The following KCNMB4 variants were observed in gnomAD, a reference collection of about 807,000 sequenced individuals.
KCNMB4 encodes the protein potassium calcium-activated channel subfamily M regulatory beta subunit 4.
Under a neutral mutation model 20.7 loss-of-function variants are expected in KCNMB4, and 3 were observed. The observed-to-expected ratio is 0.14, with a 90% CI of 0.07 to 0.37. The LOEUF (loss-of-function observed/expected upper bound fraction) is 0.37, where lower values mean the gene tolerates loss of function less well. KCNMB4 is among the 10% of genes least tolerant of loss of function. The probability of loss-of-function intolerance (pLI) is 1.00; values close to 1 mark genes in which losing one functional copy is unlikely to be tolerated. For synonymous variants in KCNMB4, 110 were observed against 113.4 expected (o/e 0.97, Z 0.19); for missense variants, 168 against 265.9 (o/e 0.63, Z 2.56).
chr12:70,366,298 C>T lies in KCNMB4; in HGVS notation c.-437C>T, dbSNP rs1455815503. 6.7e-6 allele frequency: 1 copy of T among 148,248 alleles called. No individual in the cohort carries two copies. The highest frequency in any genetic ancestry group is 6.9e-5 in the Admixed American group (1 of 14,504). The allele number at this position is 148,248 out of a possible 1,614,324, so 9.2% of individuals were successfully genotyped here. On this transcript the variant is annotated 5_prime_UTR_variant, in exon 1 of 3. Transcript: ENST00000258111. ...CGGGCTCGCCCCAGCTCAGACACTC[C>T]TAGCCTTGGGGCAGCTGCCGGGCGA...
chr12:70,417,095 A>G (rs560316121), intron 2 of KCNMB4, among the ~76,000 whole-genome samples: 1 of 152,356 alleles, frequency 6.6e-6, no homozygotes, highest in Admixed American at 6.5e-5. Context: ...AGAAAAGAAA[A>G]TAAATTGTGG....
rs143785386 is a variant in KCNMB4, at chr12:70,385,130, G to C, written c.337-15079G>C. 3.4e-4 allele frequency among the ~76,000 whole-genome samples: 52 copies of C among 152,302 alleles called. No homozygotes were observed. The East Asian group carries it at 6.9e-3, about 20-fold the overall frequency. On this transcript the variant is annotated intron_variant, in intron 1 of 2. Coordinates refer to ENST00000258111, the MANE Select transcript of KCNMB4 (RefSeq NM_014505.6). ...GGTGTCAAGCGGGGGGAATTTCACAGATGAGGACAGAGTTTAGGGACTTTG... is the reference window on the plus strand; with the variant it reads ...GGTGTCAAGCGGGGGGAATTTCACACATGAGGACAGAGTTTAGGGACTTTG...
At chr12:70,421,442 C>T (rs568997152) in intron 2 of KCNMB4, among the ~76,000 whole-genome samples, 203 of 117,572 alleles carry the variant, frequency 1.7e-3, no homozygotes, top group Non-Finnish European at 1.5e-3. Flanking sequence ...CCAGCCTGGG[C>T]GACAGAGTGA....
intron 2 of KCNMB4, 83 bp downstream of exon 2, chr12:70,400,419 A>G: frequency 1.5e-6 from 2 of 1,362,028 alleles, no homozygotes; most frequent in Non-Finnish European, 2.0e-6. Flanking sequence ...GATTATGCCC[A>G]CTTGACAGCA....
rs1459063232 is a variant in KCNMB4, at chr12:70,371,004, G to A, written c.336+3934G>A. On this transcript the variant is annotated intron_variant, in intron 1 of 2. Transcript: ENST00000258111. Reference sequence around the variant, plus strand: ...CCCAAGTAGCTGGGCTTACGGGCATGTGCTACCACACCCAGCTAATTTTTG... The same window carrying A: ...CCCAAGTAGCTGGGCTTACGGGCATATGCTACCACACCCAGCTAATTTTTG... 3.3e-5 allele frequency among the ~76,000 whole-genome samples: 5 copies of A among 152,220 alleles called. No homozygotes were observed. The East Asian group carries it at 9.7e-4, about 30-fold the overall frequency.
chr12:70,375,477 A>ATT lies in KCNMB4; in HGVS notation c.336+8408_336+8409dup, dbSNP rs1165122114. Among the ~76,000 whole-genome samples the ATT allele has an allele frequency of 3.1e-5, 3 of 97,744 alleles. No individual in the cohort carries two copies. The East Asian group carries it at 9.5e-4, about 31-fold the overall frequency. The allele number at this position is 97,744 out of a possible 152,430, so 64.1% of individuals were successfully genotyped here. A position where few individuals can be genotyped will look rare whatever the true frequency, so the allele number is the denominator to read the frequency against. ...TAGCCAAGACCACATCTCTACAAAAATTAAAAAAAAAAAAAATTAGCCAGA... is the reference window on the plus strand; with the variant it reads ...TAGCCAAGACCACATCTCTACAAAAATTTTAAAAAAAAAAAAAATTAGCCAGA... On this transcript the variant is annotated intron_variant, in intron 1 of 2. Transcript: ENST00000258111.
chr12:70,426,032 C>T (rs566019197), intron 2 of KCNMB4, among the ~76,000 whole-genome samples: 2 of 152,108 alleles, frequency 1.3e-5, no homozygotes, highest in East Asian at 1.9e-4. Context: ...GGGTGGCTCA[C>T]GTCTGTAATC....
chr12:70,378,834 G>C (rs982867256), intron 1 of KCNMB4, among the ~76,000 whole-genome samples: 4 of 152,150 alleles, frequency 2.6e-5, no homozygotes, highest in Non-Finnish European at 5.9e-5. Context: ...ACCACACCCA[G>C]CCCAAAGTGT....
intron 2 of KCNMB4, among the ~76,000 whole-genome samples, chr12:70,406,532 C>A (rs952645176): frequency 6.6e-6 from 1 of 152,160 alleles, no homozygotes; most frequent in Non-Finnish European, 1.5e-5. Context: ...ATTTCTTTTT[C>A]TGTGAGGTGG....
intron 1 of KCNMB4, among the ~76,000 whole-genome samples, chr12:70,379,875 G>A (rs898258521): frequency 2.0e-5 from 3 of 152,188 alleles, no homozygotes; most frequent in South Asian, 2.1e-4. Context: ...GTTGTGGCTG[G>A]TTTGATCCTC....
chr12:70,400,107 A>C, intron 1 of KCNMB4, 102 bp from the exon 2 acceptor site: 3 of 917,404 alleles, frequency 3.3e-6, no homozygotes, highest in Non-Finnish European at 4.6e-6. Context: ...GGAGGCCTAA[A>C]TTAGATTTAC....
In KCNMB4 at chr12:70,431,664, A is replaced by G. The variant is rs1869368357; in HGVS notation, c.*1011A>G. ...AACCTGGAGATGCAACCCAGCTCAC[A>G]TCATTGCTACTGATGAGCTTTCTGT... is the stretch of plus-strand genomic sequence containing the variant. On this transcript the variant is annotated 3_prime_UTR_variant, in exon 3 of 3. Coordinates refer to ENST00000258111, the MANE Select transcript of KCNMB4 (RefSeq NM_014505.6). 1 of 152,188 alleles carries G rather than the reference A, an allele frequency of 6.6e-6. No individual in the cohort carries two copies. The highest frequency in any genetic ancestry group is 6.5e-5 in the Admixed American group (1 of 15,280). 9.4% of individuals were successfully genotyped at this position (152,188 alleles called of 1,614,324 possible).
At chr12:70,397,634 G>T (rs765658519) in intron 1 of KCNMB4, among the ~76,000 whole-genome samples, 1 of 152,154 alleles carries the variant, frequency 6.6e-6, no homozygotes, top group Non-Finnish European at 1.5e-5. Flanking sequence ...GAAAGTTTTT[G>T]ACCTTTTCAG....
At chr12:70,394,168 A>G (rs1868328999) in intron 1 of KCNMB4, among the ~76,000 whole-genome samples, 1 of 152,232 alleles carries the variant, frequency 6.6e-6, no homozygotes, top group Admixed American at 6.5e-5. Context: ...GTACTCAGCA[A>G]TCAAGAATAG....
chr12:70,370,428 CT>C (rs1296336756), intron 1 of KCNMB4, among the ~76,000 whole-genome samples: 1 of 151,856 alleles, frequency 6.6e-6, no homozygotes, highest in East Asian at 1.9e-4. Flanking sequence ...CTGCCTCAGC[CT>C]CCCGAGTAGC....
intron 1 of KCNMB4, 33 bp downstream of exon 1, chr12:70,367,103 G>A (rs754163598): frequency 6.8e-7 from 1 of 1,470,536 alleles, no homozygotes; most frequent in East Asian, 2.4e-5. Context: ...GGGGCTCCCC[G>A]CGAGGGAGGT....
intron 1 of KCNMB4, among the ~76,000 whole-genome samples, chr12:70,372,499 A>G (rs1449380113): frequency 6.6e-6 from 1 of 152,208 alleles, no homozygotes; most frequent in African/African-American, 2.4e-5. Context: ...AGTGGGTAGC[A>G]CTGGTAAAAT....
At chr12:70,399,499 C>T (rs3782382) in intron 1 of KCNMB4, among the ~76,000 whole-genome samples, 4 of 152,182 alleles carry the variant, frequency 2.6e-5, no homozygotes, top group African/African-American at 7.2e-5. Context: ...TCTTCGTCAT[C>T]GTTGTAAAAA....
intron 1 of KCNMB4, among the ~76,000 whole-genome samples, chr12:70,385,967 A>C (rs911035994): frequency 7.2e-5 from 11 of 152,216 alleles, no homozygotes; most frequent in African/African-American, 2.7e-4. Flanking sequence ...TATGCCAGAG[A>C]AACAGAAATA....
Sources: allele counts gnomAD v4.1 joint callset (sites outside exome capture counted in the v4.1 genomes callset), GRCh38; gene constraint gnomAD v4.1.1; transcripts MANE v1.5; gene names NCBI Gene and HGNC (gene_info 2026-07-23, HGNC 2026-07-21).